Variants in TAF4B observed in about 807,000 individuals in gnomAD.
TAF4B encodes TATA-box binding protein associated factor 4b.
A neutral mutation model predicts 86.4 loss-of-function variants in TAF4B; 38 were observed. The ratio of observed to expected loss-of-function variants is 0.44; its 90% CI spans 0.34 to 0.58. The LOEUF (loss-of-function observed/expected upper bound fraction) is 0.58. Among genes scored for constraint, TAF4B ranks in the 20% least tolerant of loss-of-function variants. The probability of loss-of-function intolerance (pLI) is 0.02; values close to 1 mark genes in which losing one functional copy is unlikely to be tolerated. For missense variants in TAF4B, 988 were observed against 1,027.6 expected (o/e 0.96, Z 0.53); for synonymous variants, 388 against 391.2 (o/e 0.99, Z 0.10).
At chr18:26,293,334 C>CTA (rs954937174) in intron 8 of TAF4B, 92 bp from the exon 9 acceptor site, 2 of 794,056 alleles carry the variant, frequency 2.5e-6, no homozygotes, top group African/African-American at 1.8e-5. Context: ...TTTGATTATT[C>CTA]TATATATATA....
chr18:26,350,498 C>T (rs945161310), intron 13 of TAF4B, among the ~76,000 whole-genome samples: 12 of 152,010 alleles, frequency 7.9e-5, no homozygotes, highest in Admixed American at 2.6e-4. Context: ...ATAGAGACCC[C>T]GTCTCTACAA....
intron 14 of TAF4B, among the ~76,000 whole-genome samples, chr18:26,372,066 G>A (rs753577225): frequency 6.6e-6 from 1 of 152,020 alleles, no homozygotes; most frequent in Non-Finnish European, 1.5e-5. Flanking sequence ...GCCTCACAAC[G>A]GATCCTGAAC....
At position 26,227,236 on chromosome 18, in the gene TAF4B, CACG is replaced by C. The variant is rs2055591809; in HGVS notation, c.306_308del (p.Thr103del). ...TAGTCGCCGTGAAAGCCCCCAACAC[CACG>C]ACAATCCAGTTTCCTGCTAATTTGC... On this transcript the variant is annotated inframe_deletion, in exon 1 of 15. Coordinates refer to ENST00000269142, the MANE Select transcript of TAF4B (RefSeq NM_005640.3). 6.2e-7 allele frequency: 1 copy of C among 1,613,580 alleles called. No homozygotes were observed. Among genetic ancestry groups the C allele is most frequent in the Non-Finnish European group, 8.5e-7 (1 of 1,179,794 alleles).
At chr18:26,264,396 G>A (rs969052282) in intron 1 of TAF4B, among the ~76,000 whole-genome samples, 1 of 152,196 alleles carries the variant, frequency 6.6e-6, no homozygotes. Context: ...AGCCAAGATC[G>A]TCTGGGCGAC....
chr18:26,285,222 G>GTTTTTTTTTTTTGTTTTTTTTTTT (rs2056501259), intron 6 of TAF4B, among the ~76,000 whole-genome samples: 700 of 45,412 alleles, frequency 0.015, 2 homozygotes, highest in Non-Finnish European at 0.027. Context: ...TTTTTTTTTT[G>GTTTTTTTTTTTTGTTTTTTTTTTT]TTTTTTTTTT....
At chr18:26,310,443 G>C (rs1332023944) in intron 9 of TAF4B, among the ~76,000 whole-genome samples, 2 of 152,080 alleles carry the variant, frequency 1.3e-5, no homozygotes, top group Non-Finnish European at 2.9e-5. Context: ...TAAGAAGAGA[G>C]GGAAATTCCC....
intron 13 of TAF4B, among the ~76,000 whole-genome samples, chr18:26,338,829 T>C (rs1195980958): frequency 1.3e-5 from 2 of 152,224 alleles, no homozygotes; most frequent in African/African-American, 4.8e-5. Flanking sequence ...AGGCTGTTCA[T>C]CTTTGCATTC....
At chr18:26,341,098 T>A (rs2057131658) in intron 13 of TAF4B, among the ~76,000 whole-genome samples, 1 of 150,664 alleles carries the variant, frequency 6.6e-6, no homozygotes, top group African/African-American at 2.4e-5. Context: ...GATGCCTGTT[T>A]AAAAAAAAAA....
At chr18:26,271,926 CAAA>C (rs543780780) in intron 3 of TAF4B, among the ~76,000 whole-genome samples, 126 of 65,524 alleles carry the variant, frequency 1.9e-3, no homozygotes, top group African/African-American at 5.7e-3. Context: ...GACTCCGTCT[CAAA>C]AAAAAAAAAA....
intron 1 of TAF4B, among the ~76,000 whole-genome samples, chr18:26,234,038 C>T (rs1402788129): frequency 6.6e-6 from 1 of 152,294 alleles, no homozygotes; most frequent in Middle Eastern, 3.4e-3. Context: ...AAGTATTTTC[C>T]ACTGACTGAC....
At chr18:26,328,646 ATC>A (rs1254268021) in intron 12 of TAF4B, among the ~76,000 whole-genome samples, 1 of 151,720 alleles carries the variant, frequency 6.6e-6, no homozygotes, top group Non-Finnish European at 1.5e-5. Context: ...TTTTTGAGCA[ATC>A]TCTCTCTGTA....
At chr18:26,343,533 T>C (rs1235538062) in intron 13 of TAF4B, among the ~76,000 whole-genome samples, 1 of 152,226 alleles carries the variant, frequency 6.6e-6, no homozygotes, top group East Asian at 1.9e-4. Context: ...AGAAGTCACA[T>C]TGGAACCTGT....
chr18:26,342,836 T>G (rs2057146819), intron 13 of TAF4B, among the ~76,000 whole-genome samples: 1 of 152,234 alleles, frequency 6.6e-6, no homozygotes, highest in Non-Finnish European at 1.5e-5. Context: ...CCCAAACCTG[T>G]TTGGTCTCTT....
Position 26,314,586 on chromosome 18 carries a change from C to T in TAF4B, c.1833-643C>T, listed in dbSNP as rs189424615. Among the ~76,000 whole-genome samples, 15 of 152,230 alleles carry T rather than the reference C, an allele frequency of 9.9e-5. No individual in the cohort carries two copies. The East Asian group carries it at 2.9e-3, about 29-fold the overall frequency. ...GAATTCAGTTGGTATAGATGGAGCA[C>T]ACCAAAAGTCTGAAACAGAAAAACA... is the stretch of plus-strand genomic sequence containing the variant. On this transcript the variant is annotated intron_variant, in intron 9 of 14. Transcript: ENST00000269142.
At chr18:26,314,897 A>C (rs2056886018) in intron 9 of TAF4B, among the ~76,000 whole-genome samples, 1 of 152,068 alleles carries the variant, frequency 6.6e-6, no homozygotes, top group Non-Finnish European at 1.5e-5. Flanking sequence ...TGAGAGAGGG[A>C]AAGTTGGGAC....
Position 26,256,309 on chromosome 18 carries a change from A to G in TAF4B, c.344-8861A>G, listed in dbSNP as rs768573224. ...CTAGAGGACTTAGCTCTGCAAATAC[A>G]GCAGCCCTCTATACTTCGGTACATC... is the stretch of plus-strand genomic sequence containing the variant. On this transcript the variant is annotated intron_variant, in intron 1 of 14. Transcript: ENST00000269142. The G allele has an allele frequency of 4.3e-5, 62 of 1,451,454 alleles. No homozygotes were observed. In the African/African-American group the frequency reaches 7.6e-4, roughly 18 times the overall value. 89.9% of individuals were successfully genotyped at this position (1,451,454 alleles called of 1,614,324 possible).
chr18:26,243,750 G>T (rs932879890), intron 1 of TAF4B, among the ~76,000 whole-genome samples: 2 of 152,184 alleles, frequency 1.3e-5, no homozygotes, highest in African/African-American at 4.8e-5. Flanking sequence ...TGATGGTGAT[G>T]TACAGATGGG....
chr18:26,349,262 C>T lies in TAF4B; in HGVS notation c.2317-8428C>T, dbSNP rs115116592. On this transcript the variant is annotated intron_variant, in intron 13 of 14. Coordinates refer to ENST00000269142, the MANE Select transcript of TAF4B (RefSeq NM_005640.3). ...TTCAACAGTTTTTCCTCTGTTCCTTCTTCTTTCCCCTTCCGAAAGTCCCCA... is the reference window on the plus strand; with the variant it reads ...TTCAACAGTTTTTCCTCTGTTCCTTTTTCTTTCCCCTTCCGAAAGTCCCCA... 7.7e-3 allele frequency among the ~76,000 whole-genome samples: 1,176 copies of T among 152,162 alleles called. 13 individuals are homozygous for T. The highest frequency in any genetic ancestry group is 0.027 in the African/African-American group (1,115 of 41,516).
intron 14 of TAF4B, among the ~76,000 whole-genome samples, chr18:26,381,284 G>A (rs928788683): frequency 4.0e-5 from 6 of 151,780 alleles, no homozygotes; most frequent in African/African-American, 9.7e-5. Context: ...CAAAGTGCTG[G>A]GGTAACAGGC....
Sources: gnomAD v4.1 joint callset for allele counts (sites outside exome capture counted in the v4.1 genomes callset) on GRCh38, gnomAD v4.1.1 for gene constraint, MANE v1.5 for transcripts, NCBI Gene and HGNC (gene_info 2026-07-23, HGNC 2026-07-21) for gene names.